Variants in NTM observed in about 807,000 individuals in gnomAD.
The protein encoded by NTM is neurotrimin, also known as IgLON family member 2.
Under a neutral mutation model 42.1 loss-of-function variants are expected in NTM, and 13 were observed. The ratio of observed to expected loss-of-function variants is 0.31; its 90% CI spans 0.20 to 0.49. The LOEUF (loss-of-function observed/expected upper bound fraction) is 0.49. Ranked by LOEUF, NTM falls within the 20% of genes least tolerant of loss-of-function variation. NTM has a pLI of 0.99. For synonymous variants in NTM, 187 were observed against 179.2 expected (o/e 1.04, Z -0.35); for missense variants, 373 against 452.8 (o/e 0.82, Z 1.60).
At chr11:132,244,959 GC>G (rs2090858622) in intron 4 of NTM, among the ~76,000 whole-genome samples, 1 of 152,224 alleles carries the variant, frequency 6.6e-6, no homozygotes, top group Non-Finnish European at 1.5e-5. Flanking sequence ...TTGTACGTTT[GC>G]GCCCGTGTTT....
chr11:131,804,263 A>C (rs2136252627), intron 1 of NTM, among the ~76,000 whole-genome samples: 1 of 152,274 alleles, frequency 6.6e-6, no homozygotes, highest in Admixed American at 6.5e-5. Flanking sequence ...CACACTTTCT[A>C]ATAAAAAGCC....
intron 1 of NTM, among the ~76,000 whole-genome samples, chr11:131,797,825 A>G (rs1370607584): frequency 6.6e-6 from 1 of 152,208 alleles, no homozygotes; most frequent in Non-Finnish European, 1.5e-5. Flanking sequence ...CAGCACCAGT[A>G]AATAATAATC....
chr11:131,598,845 CTTT>C lies in NTM; in HGVS notation c.82+227958_82+227960del, dbSNP rs1565686481. ...TTCTTTCTTCTTTCTTTCTTTCTTT[CTTT>C]CTTCCTTCCTTCCTTCCTTCCTTCC... On this transcript the variant is annotated intron_variant, in intron 1 of 8. Coordinates refer to ENST00000683400, the MANE Select transcript of NTM (RefSeq NM_001352005.2). Among the ~76,000 whole-genome samples, 20 of 26,058 alleles carry C rather than the reference CTTT, an allele frequency of 7.7e-4. 3 individuals are homozygous for C. Among genetic ancestry groups the C allele is most frequent in the African/African-American group, 1.9e-3 (18 of 9,390 alleles). 17.1% of individuals were successfully genotyped at this position (26,058 alleles called of 152,430 possible). A position where few individuals can be genotyped will look rare whatever the true frequency, so the allele number is the denominator to read the frequency against.
intron 1 of NTM, among the ~76,000 whole-genome samples, chr11:131,617,335 C>T (rs1001581432): frequency 7.2e-5 from 11 of 152,136 alleles, no homozygotes; most frequent in Non-Finnish European, 1.5e-4. Context: ...GTGCTTCGTA[C>T]GTGCATATGT....
At chr11:132,042,146 C>T (rs751027338) in intron 2 of NTM, among the ~76,000 whole-genome samples, 3 of 152,144 alleles carry the variant, frequency 2.0e-5, no homozygotes, top group Non-Finnish European at 4.4e-5. Flanking sequence ...ATTGCAGGTG[C>T]ATGTCTACAC....
At chr11:131,936,308 T>C (rs2059211019) in intron 2 of NTM, among the ~76,000 whole-genome samples, 1 of 152,220 alleles carries the variant, frequency 6.6e-6, no homozygotes, top group Non-Finnish European at 1.5e-5. Context: ...TACCAGAAGA[T>C]GGAGGTATTA....
chr11:131,791,998 C>A (rs1017047949), intron 1 of NTM, among the ~76,000 whole-genome samples: 1 of 152,124 alleles, frequency 6.6e-6, no homozygotes, highest in Non-Finnish European at 1.5e-5. Flanking sequence ...TAGGCTATAA[C>A]TGATACGTAA....
chr11:131,887,917 A>G (rs1387374794), intron 1 of NTM, among the ~76,000 whole-genome samples: 2 of 152,214 alleles, frequency 1.3e-5, no homozygotes, highest in East Asian at 3.9e-4. Context: ...AACCAAGGCA[A>G]GAAGAGAGTA....
chr11:131,642,130 A>T (rs1338000870), intron 1 of NTM, among the ~76,000 whole-genome samples: 1 of 152,198 alleles, frequency 6.6e-6, no homozygotes, highest in Non-Finnish European at 1.5e-5. Context: ...TAGGAGGGCC[A>T]TTTCCTGACA....
rs185203360 is a variant in NTM at position 132,151,313 on chromosome 11, C to T, written c.400+4799C>T. ...GCTTGAGAAGACGTCTAAAAGGCCC[C>T]GTCTGTGTTTCTAAGAACCCATGAA... On this transcript the variant is annotated intron_variant, in intron 3 of 8. Coordinates refer to ENST00000683400, the MANE Select transcript of NTM (RefSeq NM_001352005.2). Among the ~76,000 whole-genome samples, 760 of 152,256 alleles carry T rather than the reference C, an allele frequency of 5.0e-3. 1 individual carries two copies. Among genetic ancestry groups the T allele is most frequent in the South Asian group, 9.2e-3 (44 of 4,808 alleles).
intron 1 of NTM, among the ~76,000 whole-genome samples, chr11:131,896,523 T>C (rs1051888771): frequency 3.3e-5 from 5 of 152,122 alleles, no homozygotes; most frequent in African/African-American, 1.2e-4. Flanking sequence ...GAGTACGTGA[T>C]TTTTCAAACT....
chr11:131,996,844 G>A (rs1232303904), intron 2 of NTM, among the ~76,000 whole-genome samples: 1 of 152,100 alleles, frequency 6.6e-6, no homozygotes, highest in Non-Finnish European at 1.5e-5. Flanking sequence ...TCCCCAGCCT[G>A]CATTCTGAAG....
intron 1 of NTM, among the ~76,000 whole-genome samples, chr11:131,600,231 A>T (rs2060350101): frequency 6.6e-6 from 1 of 152,218 alleles, no homozygotes; most frequent in African/African-American, 2.4e-5. Flanking sequence ...GAAGAGATTC[A>T]TAAAGTGTCT....
At chr11:131,776,315 C>A (rs1272523320) in intron 1 of NTM, among the ~76,000 whole-genome samples, 16 of 152,144 alleles carry the variant, frequency 1.1e-4, no homozygotes. Flanking sequence ...GTGTGCAAAC[C>A]AGCTAATTTT....
chr11:131,694,351 G>T (rs2075166362), intron 1 of NTM, among the ~76,000 whole-genome samples: 1 of 152,118 alleles, frequency 6.6e-6, no homozygotes, highest in Non-Finnish European at 1.5e-5. Flanking sequence ...CAGTCTCCAC[G>T]GGCAGCACTG....
chr11:131,721,516 A>G (rs572836359), intron 1 of NTM, among the ~76,000 whole-genome samples: 2 of 152,106 alleles, frequency 1.3e-5, no homozygotes, highest in African/African-American at 4.8e-5. Flanking sequence ...GTAAATATTA[A>G]ATATGCATGG....
intron 1 of NTM, among the ~76,000 whole-genome samples, chr11:131,891,786 C>T (rs991304046): frequency 6.6e-6 from 1 of 152,196 alleles, no homozygotes; most frequent in Non-Finnish European, 1.5e-5. Flanking sequence ...ATTGCTCAGA[C>T]ATTTTGGACT....
At chr11:132,261,055 T>A (rs1275610685) in intron 4 of NTM, among the ~76,000 whole-genome samples, 2 of 152,228 alleles carry the variant, frequency 1.3e-5, no homozygotes. Flanking sequence ...TGCACGGTCA[T>A]GCACATGTCT....
chr11:132,132,913 C>T (rs2067093582), intron 2 of NTM, among the ~76,000 whole-genome samples: 1 of 152,154 alleles, frequency 6.6e-6, no homozygotes, highest in Non-Finnish European at 1.5e-5. Context: ...TGGCAGAAAT[C>T]TTGTTAAAAT....
Sources: gnomAD v4.1 joint callset for allele counts (sites outside exome capture counted in the v4.1 genomes callset) on GRCh38, gnomAD v4.1.1 for gene constraint, MANE v1.5 for transcripts, NCBI Gene and HGNC (gene_info 2026-07-23, HGNC 2026-07-21) for gene names.